Variants in CHUK observed in about 807,000 individuals in gnomAD.
The protein encoded by CHUK is component of inhibitor of nuclear factor kappa B kinase complex.
CHUK carries 35 observed loss-of-function variants against 104.8 expected under a neutral mutation model. The ratio of observed to expected loss-of-function variants is 0.33; its 90% CI spans 0.26 to 0.44. The LOEUF (loss-of-function observed/expected upper bound fraction) is 0.44, where lower values mean the gene tolerates loss of function less well. Among genes scored for constraint, CHUK ranks in the 20% least tolerant of loss-of-function variants. CHUK has a pLI of 1.00. For missense variants in CHUK, 663 were observed against 902.7 expected (o/e 0.73, Z 3.40); for synonymous variants, 276 against 291.9 (o/e 0.95, Z 0.56).
At chr10:100,194,770 T>A (rs1344271940) in intron 16 of CHUK, 3 of 304,058 alleles carry the variant, frequency 9.9e-6, no homozygotes, top group Non-Finnish European at 1.9e-5. Context: ...AGACCTTAGT[T>A]GCCTGTGCTT....
At chr10:100,212,388 A>G (rs1214519741) in intron 9 of CHUK, among the ~76,000 whole-genome samples, 1 of 152,140 alleles carries the variant, frequency 6.6e-6, no homozygotes, top group Non-Finnish European at 1.5e-5. Flanking sequence ...CCCTGATGCT[A>G]AGAGTTGTTG....
At chr10:100,190,032 T>A (rs1845160149) in intron 20 of CHUK, 1 of 162,812 alleles carries the variant, frequency 6.1e-6, no homozygotes, top group Non-Finnish European at 1.3e-5. Context: ...TTTTTTTTTT[T>A]TTTTTCCCCG....
intron 9 of CHUK, among the ~76,000 whole-genome samples, chr10:100,216,211 T>G (rs956840809): frequency 6.6e-6 from 1 of 152,210 alleles, no homozygotes; most frequent in African/African-American, 2.4e-5. Flanking sequence ...ATGACAAGTA[T>G]GAAACAAATG....
intron 9 of CHUK, among the ~76,000 whole-genome samples, chr10:100,213,356 C>T (rs1490267289): frequency 6.6e-6 from 1 of 151,988 alleles, no homozygotes; most frequent in African/African-American, 2.4e-5. Context: ...TGATGGCGCA[C>T]ACCTGTAATT....
chr10:100,215,407 T>C (rs963043331), intron 9 of CHUK, among the ~76,000 whole-genome samples: 2 of 151,934 alleles, frequency 1.3e-5, no homozygotes, highest in African/African-American at 4.8e-5. Context: ...ATGTAGTTTA[T>C]AAGTAAAGCT....
chr10:100,217,329 T>C (rs986937114), intron 9 of CHUK, among the ~76,000 whole-genome samples: 6 of 151,198 alleles, frequency 4.0e-5, no homozygotes, highest in African/African-American at 1.5e-4. Context: ...ATGAGATAGG[T>C]AGTACATATT....
chr10:100,217,675 G>A (rs1020775639), intron 9 of CHUK, among the ~76,000 whole-genome samples: 3 of 152,318 alleles, frequency 2.0e-5, no homozygotes, highest in East Asian at 1.9e-4. Context: ...TCAGGAGTGC[G>A]AGACCAGCCT....
chr10:100,206,146 G>T (rs528144158), intron 11 of CHUK, among the ~76,000 whole-genome samples: 1 of 151,888 alleles, frequency 6.6e-6, no homozygotes, highest in South Asian at 2.1e-4. Flanking sequence ...AGGATATTAG[G>T]TAAAAATGAA....
At chr10:100,222,441 T>G (rs1846012355) in intron 3 of CHUK, among the ~76,000 whole-genome samples, 2 of 152,152 alleles carry the variant, frequency 1.3e-5, no homozygotes, top group African/African-American at 4.8e-5. Flanking sequence ...AATGGTCATA[T>G]GGGCACATTT....
At chr10:100,220,168 TTC>T (rs1273448829) in intron 5 of CHUK, among the ~76,000 whole-genome samples, 4 of 152,144 alleles carry the variant, frequency 2.6e-5, no homozygotes, top group African/African-American at 9.7e-5. Context: ...TATATATACT[TTC>T]TTTTTTTTCT....
At chr10:100,209,570 G>C in intron 10 of CHUK, 25 bp downstream of exon 10, 1 of 1,404,908 alleles carries the variant, frequency 7.1e-7, no homozygotes. Context: ...ACATACTCTA[G>C]GGATATTATA....
At chr10:100,190,268 G>A (rs1490192696) in intron 20 of CHUK, 1 of 157,832 alleles carries the variant, frequency 6.3e-6, no homozygotes, top group Non-Finnish European at 1.4e-5. Flanking sequence ...CAATCCACCT[G>A]CCTTGGCCTC....
At position 100,202,079 on chromosome 10, in the gene CHUK, T is replaced by G; in HGVS notation, c.1569+9A>C. ...TAATAAGTATACAGAATGACGTCAA[T>G]GATTTTACCTCAGCATAGTGGATGG... On this transcript the variant is annotated intron_variant, in intron 14 of 20. Coordinates refer to ENST00000370397, the MANE Select transcript of CHUK (RefSeq NM_001278.5). 1.3e-6 allele frequency: 2 copies of G among 1,595,644 alleles called. No homozygotes were observed. Among genetic ancestry groups the G allele is most frequent in the Non-Finnish European group, 1.7e-6 (2 of 1,163,606 alleles).
intron 9 of CHUK, among the ~76,000 whole-genome samples, chr10:100,211,428 TTTC>T (rs1845726978): frequency 6.6e-6 from 1 of 152,184 alleles, no homozygotes; most frequent in Non-Finnish European, 1.5e-5. Context: ...GTACCTTTTT[TTTC>T]TTTTGCTGCC....
rs186859183 is a variant in CHUK, at chr10:100,221,820, T to C, written c.385+292A>G. Among the ~76,000 whole-genome samples, 456 of 152,252 alleles carry C rather than the reference T, an allele frequency of 3.0e-3. 4 individuals are homozygous for C. The highest frequency in any genetic ancestry group is 0.011 in the African/African-American group (445 of 41,560). On this transcript the variant is annotated intron_variant, in intron 4 of 20. Transcript: ENST00000370397. The stretch of plus-strand genomic sequence containing the variant: ...GCCCAGCTAATTTTTGTATTTTTAG[T>C]AGAGATGGGGTTTCACTATGTTGGC...
At chr10:100,191,192 A>T (rs2134204008) in intron 19 of CHUK, among the ~76,000 whole-genome samples, 1 of 152,370 alleles carries the variant, frequency 6.6e-6, no homozygotes, top group Middle Eastern at 3.4e-3. Flanking sequence ...AATGATAAGA[A>T]GTCCACTATA....
chr10:100,208,591 C>T (rs921592024), intron 10 of CHUK, among the ~76,000 whole-genome samples: 1 of 152,082 alleles, frequency 6.6e-6, no homozygotes, highest in Admixed American at 6.5e-5. Flanking sequence ...CGCCTGAGGT[C>T]GGTCAGGAGT....
chr10:100,200,278 T>C (rs1845431370), intron 15 of CHUK, among the ~76,000 whole-genome samples: 1 of 152,150 alleles, frequency 6.6e-6, no homozygotes, highest in Admixed American at 6.6e-5. Flanking sequence ...AAGACAAAAA[T>C]TATGACCTAT....
intron 19 of CHUK, among the ~76,000 whole-genome samples, chr10:100,191,432 C>A (rs879845205): frequency 6.6e-6 from 1 of 152,122 alleles, no homozygotes; most frequent in Non-Finnish European, 1.5e-5. Flanking sequence ...CTGTAGAGAT[C>A]ACAGAAAGTG....
Sources: allele counts gnomAD v4.1 joint callset (sites outside exome capture counted in the v4.1 genomes callset), GRCh38; gene constraint gnomAD v4.1.1; transcripts MANE v1.5; gene names NCBI Gene and HGNC (gene_info 2026-07-23, HGNC 2026-07-21).